MXD4: variants seen among roughly 807,000 people sequenced by gnomAD.
The protein encoded by MXD4 is Mad4 homolog.
MXD4 carries 16 observed loss-of-function variants against 24.5 expected under a neutral mutation model. The observed-to-expected ratio is 0.65, with a 90% CI of 0.44 to 0.99. MXD4 has a LOEUF of 0.99. Ranked by LOEUF, MXD4 falls within the 50% of genes least tolerant of loss-of-function variation. The pLI, the probability that MXD4 is intolerant of heterozygous loss-of-function variation, is 0.00. For synonymous variants in MXD4, 164 were observed against 134.2 expected (o/e 1.22, Z -1.54); for missense variants, 301 against 301.5 (o/e 1.00, Z 0.01).
intron 2 of MXD4, 58 bp downstream of exon 2, chr4:2,261,667 C>G (rs902340265): frequency 1.9e-5 from 20 of 1,056,742 alleles, no homozygotes; most frequent in South Asian, 3.3e-5. Flanking sequence ...AGAGCACGCT[C>G]CGGGCGGGGG....
At chr4:2,252,340 C>G (rs963360616) in intron 4 of MXD4, 68 bp downstream of exon 4, 46 of 1,281,994 alleles carry the variant, frequency 3.6e-5, no homozygotes, top group Non-Finnish European at 4.7e-5. Context: ...CCTGTGAGCA[C>G]CCCCCCAGGG....
At position 2,258,029 on chromosome 4, in the gene MXD4, AAGAC is replaced by A. The variant is rs760347451; in HGVS notation, c.165-22_165-19del. ...GTGAAGACCTGTTTAGAAAGACAGA[AAGAC>A]AGAGCTCACTCTTCTGCCTGCCCAC... is the stretch of plus-strand genomic sequence containing the variant. On this transcript the variant is annotated intron_variant, in intron 2 of 5. Coordinates refer to ENST00000337190, the MANE Select transcript of MXD4 (RefSeq NM_006454.3). 2 of 1,613,492 alleles carry A rather than the reference AAGAC, an allele frequency of 1.2e-6. No homozygotes were observed. Among genetic ancestry groups the A allele is most frequent in the East Asian group, 2.2e-5 (1 of 44,886 alleles).
intron 2 of MXD4, among the ~76,000 whole-genome samples, chr4:2,260,981 C>T (rs1735528439): frequency 6.6e-6 from 1 of 152,244 alleles, no homozygotes. Context: ...AGGGCTTCTG[C>T]TGCCTGAACA....
intron 2 of MXD4, chr4:2,258,787 G>A (rs1322308780): frequency 7.3e-6 from 3 of 409,422 alleles, no homozygotes; most frequent in Non-Finnish European, 1.5e-5. Flanking sequence ...ACTGAGGCCA[G>A]CCCTCCCACT....
chr4:2,259,100 C>A (rs879575496), intron 2 of MXD4: 28 of 386,956 alleles, frequency 7.2e-5, no homozygotes, highest in Non-Finnish European at 1.2e-4. Flanking sequence ...CGGGGCACCT[C>A]CAGACCCAGC....
chr4:2,248,070 G>A lies in MXD4; in HGVS notation c.*2474C>T, dbSNP rs1269398595. ...TCTGTCTGCTCTCTATAGACACGGT[G>A]ATGGCCTCTTGGTCCCTGCAGCCTC... On this transcript the variant is annotated 3_prime_UTR_variant, in exon 6 of 6. Transcript: ENST00000337190. The A allele has an allele frequency of 6.6e-6, 1 of 152,560 alleles. No homozygotes were observed. The highest frequency in any genetic ancestry group is 1.5e-5 in the Non-Finnish European group (1 of 68,296). 9.5% of individuals were successfully genotyped at this position (152,560 alleles called of 1,614,324 possible). A position where few individuals can be genotyped will look rare whatever the true frequency, so the allele number is the denominator to read the frequency against.
At position 2,248,229 on chromosome 4, in the gene MXD4, A is replaced by AC; in HGVS notation, c.*2314dup. 6.6e-6 allele frequency: 1 copy of AC among 152,484 alleles called. No individual in the cohort carries two copies. Among genetic ancestry groups the AC allele is most frequent in the East Asian group, 1.9e-4 (1 of 5,172 alleles). The allele number at this position is 152,484 out of a possible 1,614,324, so 9.4% of individuals were successfully genotyped here. On this transcript the variant is annotated 3_prime_UTR_variant, in exon 6 of 6. Coordinates refer to ENST00000337190, the MANE Select transcript of MXD4 (RefSeq NM_006454.3). Reference sequence around the variant, plus strand: ...TGGCAGGGAGGGGCAGCTGAACAGCACCCCGGGTGGCTGAGACTGCCTCCC... The same window carrying AC: ...TGGCAGGGAGGGGCAGCTGAACAGCACCCCCGGGTGGCTGAGACTGCCTCCC...
At chr4:2,261,047 C>T (rs965087272) in intron 2 of MXD4, among the ~76,000 whole-genome samples, 2 of 152,206 alleles carry the variant, frequency 1.3e-5, no homozygotes, top group Non-Finnish European at 2.9e-5. Flanking sequence ...TTCATGGGGC[C>T]CCTGCCCTGC....
At chr4:2,254,370 A>G (rs1735382762) in intron 3 of MXD4, 1 of 152,204 alleles carries the variant, frequency 6.6e-6, no homozygotes, top group South Asian at 2.1e-4. Flanking sequence ...AAAAGAGCAG[A>G]CGCACACAAG....
intron 3 of MXD4, among the ~76,000 whole-genome samples, chr4:2,256,521 G>A (rs1439082427): frequency 6.6e-6 from 1 of 152,212 alleles, no homozygotes; most frequent in Non-Finnish European, 1.5e-5. Flanking sequence ...GCATCAGGTA[G>A]GCTGTGATCC....
In MXD4 at chr4:2,250,108, T is replaced by C; in HGVS notation, c.*436A>G. Reference sequence around the variant, plus strand: ...ACAGGTAGGTGGACAGACGGACGGATGGACAGACAGCCTTGCCTTCCTTCC... The same window carrying C: ...ACAGGTAGGTGGACAGACGGACGGACGGACAGACAGCCTTGCCTTCCTTCC... On this transcript the variant is annotated 3_prime_UTR_variant, in exon 6 of 6. Transcript: ENST00000337190. 1.1e-5 allele frequency: 2 copies of C among 178,902 alleles called. No individual in the cohort carries two copies. Among genetic ancestry groups the C allele is most frequent in the Non-Finnish European group, 2.4e-5 (2 of 83,178 alleles). 11.1% of individuals were successfully genotyped at this position (178,902 alleles called of 1,614,324 possible).
intron 2 of MXD4, 75 bp from the exon 3 acceptor site, chr4:2,258,086 G>C: frequency 1.9e-6 from 3 of 1,580,640 alleles, no homozygotes; most frequent in South Asian, 2.2e-5. Context: ...TGCTCTCCTA[G>C]GGGGCCAGGA....
Position 2,262,067 on chromosome 4 carries a change from C to T in MXD4, c.-87G>A. On this transcript the variant is annotated 5_prime_UTR_variant, in exon 1 of 6. Coordinates refer to ENST00000337190, the MANE Select transcript of MXD4 (RefSeq NM_006454.3). ...GGCTCCGCTCGCCGCCCACCCCGCG[C>T]GCCCGGCCGCCGCACTTCCAGACTC... 13 of 721,308 alleles carry T rather than the reference C, an allele frequency of 1.8e-5. No individual in the cohort carries two copies. The highest frequency in any genetic ancestry group is 2.0e-5 in the Non-Finnish European group (12 of 589,160). 44.7% of individuals were successfully genotyped at this position (721,308 alleles called of 1,614,324 possible). A position where few individuals can be genotyped will look rare whatever the true frequency, so the allele number is the denominator to read the frequency against.
intron 3 of MXD4, chr4:2,254,994 G>C: frequency 3.4e-6 from 1 of 295,450 alleles, no homozygotes; most frequent in South Asian, 2.8e-5. Flanking sequence ...GATCCACAAA[G>C]GTCTGCGCTC....
chr4:2,252,510 G>A lies in MXD4; in HGVS notation c.207C>T (p.Leu69=), dbSNP rs775050488. The stretch of plus-strand genomic sequence containing the variant: ...GCTTGAGCTGCTCAAGGTACAGCCT[G>A]AGTTTGGCTCGTCTGAAAGAGCCAG... ...NELEKHRRAK[L]RLYLEQLKQL... is the part of the protein sequence containing the mutation. Residue 69 remains leucine, a synonymous_variant, in exon 4 of 6, where the codon CTC becomes CTT. Transcript: ENST00000337190. The A allele has an allele frequency of 1.2e-6, 2 of 1,611,132 alleles. No homozygotes were observed. The highest frequency in any genetic ancestry group is 2.2e-5 in the South Asian group (2 of 91,010).
intron 3 of MXD4, chr4:2,254,812 C>G (rs542144994): frequency 6.2e-6 from 1 of 160,040 alleles, no homozygotes; most frequent in South Asian, 1.6e-4. Context: ...CTCCGACAGG[C>G]TGACATGAGA....
At chr4:2,256,164 G>A (rs1304842984) in intron 3 of MXD4, among the ~76,000 whole-genome samples, 1 of 152,208 alleles carries the variant, frequency 6.6e-6, no homozygotes, top group African/African-American at 2.4e-5. Flanking sequence ...AAGAAGGCTG[G>A]GACCTTCCCC....
Position 2,258,058 on chromosome 4 carries a change from C to T in MXD4, c.165-47G>A, listed in dbSNP as rs775727690. 3.1e-6 allele frequency: 5 copies of T among 1,610,174 alleles called. No homozygotes were observed. The Admixed American group carries it at 8.3e-5, about 27-fold the overall frequency. The stretch of plus-strand genomic sequence containing the variant: ...CAGAGCTCACTCTTCTGCCTGCCCA[C>T]CAGGGCACAGAGAGCAGTGCTCTCC... On this transcript the variant is annotated intron_variant, in intron 2 of 5. Transcript: ENST00000337190.
chr4:2,252,619 T>C (rs1735347901), intron 3 of MXD4, 97 bp from the exon 4 acceptor site: 2 of 763,296 alleles, frequency 2.6e-6, no homozygotes, highest in South Asian at 3.4e-5. Context: ...CATCCACTGC[T>C]GCACATGTGC....
Sources: allele counts gnomAD v4.1 joint callset (sites outside exome capture counted in the v4.1 genomes callset), GRCh38; gene constraint gnomAD v4.1.1; transcripts MANE v1.5; gene names NCBI Gene and HGNC (gene_info 2026-07-23, HGNC 2026-07-21).